POU5F2: variants seen among roughly 807,000 people sequenced by gnomAD.
POU5F2 encodes the protein POU domain, class 5, transcription factor 2.
For synonymous variants in POU5F2, 191 were observed against 178.7 expected, an observed-to-expected ratio of 1.07 and a Z score of -0.55; for missense variants, 401 against 426.6, an observed-to-expected ratio of 0.94 and a Z score of 0.53.
At position 93,741,492 on chromosome 5, in the gene POU5F2, C is replaced by T. The variant is rs1477132565; in HGVS notation, c.72G>A (p.Pro24=). Residue 24 remains proline (P), a synonymous_variant, in exon 1 of 1, where the codon CCG becomes CCA. Transcript: ENST00000606183. ...PGSGGGGPRG[P]MPLRVDTLTW... is the part of the protein sequence containing the mutation. ...TCAGAGTGTCAACCCGCAGGGGCAT[C>T]GGCCCTCTGGGGCCGCCCCCACCAC... 1 of 1,612,736 alleles carries T rather than the reference C, an allele frequency of 6.2e-7. No homozygotes were observed. The highest frequency in any genetic ancestry group is 1.1e-5 in the South Asian group (1 of 90,980).
In POU5F2 at chr5:93,737,829, A is replaced by C. The variant is rs1747536051; in HGVS notation, c.*2748T>G. The C allele has an allele frequency of 2.4e-6, 1 of 411,424 alleles. No homozygotes were observed. The highest frequency in any genetic ancestry group is 4.7e-6 in the Non-Finnish European group (1 of 211,772). The allele number at this position is 411,424 out of a possible 1,614,324, so 25.5% of individuals were successfully genotyped here. A position where few individuals can be genotyped will look rare whatever the true frequency, so the allele number is the denominator to read the frequency against. Reference sequence around the variant, plus strand: ...GCACTTACCTCATACCGTATACAAAAATTAACTTGAAATGGATCAAAGTCC... The same window carrying C: ...GCACTTACCTCATACCGTATACAAACATTAACTTGAAATGGATCAAAGTCC... On this transcript the variant is annotated 3_prime_UTR_variant, in exon 1 of 1. Transcript: ENST00000606183.
In POU5F2 at chr5:93,741,059, C is replaced by G; in HGVS notation, c.505G>C (p.Ala169Pro). The G allele has an allele frequency of 1.2e-6, 2 of 1,613,964 alleles. No individual in the cohort carries two copies. Among genetic ancestry groups the G allele is most frequent in the Non-Finnish European group, 1.7e-6 (2 of 1,179,980 alleles). The change falls in exon 1 of 1, where the codon GCC becomes CCC. Residue 169 changes from alanine to proline, a missense_variant. Transcript: ENST00000606183. ...ATGTTGGCGACGCTTAGCTGCTGGGCCTCGAAGCGGCAGATGGTCGTCTGG... is the reference window on the plus strand; with the variant it reads ...ATGTTGGCGACGCTTAGCTGCTGGGGCTCGAAGCGGCAGATGGTCGTCTGG... Reference protein sequence around the residue: ...LSQTTICRFEAQQLSVANMWK... With the variant: ...LSQTTICRFEPQQLSVANMWK...
In POU5F2 at chr5:93,740,663, C is replaced by G. The variant is rs903509755; in HGVS notation, c.901G>C (p.Asp301His). The change falls in exon 1 of 1, where the codon GAT becomes CAT. Residue 301 changes from aspartate (D) to histidine (H), a missense_variant. Physicochemically the swap from Asp to His is moderately conservative, Grantham distance 81 (BLOSUM62 -1). Transcript: ENST00000606183. ...CFHLGLGLPV[D>H]IPHYTRLYSA... Reference sequence around the variant, plus strand: ...TAGAGACGTGTATAGTGGGGGATATCCACTGGGAGCCCCAGTCCCAGGTGA... The same window carrying G: ...TAGAGACGTGTATAGTGGGGGATATGCACTGGGAGCCCCAGTCCCAGGTGA... 1 of 1,613,790 alleles carries G rather than the reference C, an allele frequency of 6.2e-7. No homozygotes were observed. Among genetic ancestry groups the G allele is most frequent in the African/African-American group, 1.3e-5 (1 of 74,904 alleles).
Position 93,734,823 on chromosome 5 carries a change from T to C in POU5F2, c.*5754A>G. On this transcript the variant is annotated 3_prime_UTR_variant, in exon 1 of 1. Transcript: ENST00000606183. The stretch of plus-strand genomic sequence containing the variant: ...TAGATTTCTTTTTCTTTTGCTTTTT[T>C]TTTTTGAGACAGAGTCTCACTTTGT... 6.6e-6 allele frequency: 1 copy of C among 152,258 alleles called. No homozygotes were observed. Among genetic ancestry groups the C allele is most frequent in the Non-Finnish European group, 1.5e-5 (1 of 68,026 alleles). 9.4% of individuals were successfully genotyped at this position (152,258 alleles called of 1,614,324 possible).
chr5:93,736,524 T>G lies in POU5F2; in HGVS notation c.*4053A>C, dbSNP rs1747247295. Reference sequence around the variant, plus strand: ...TCATCACCCCGGGTGAGTCATTTACTCTTACACAAAGATGTCATGAGAATG... The same window carrying G: ...TCATCACCCCGGGTGAGTCATTTACGCTTACACAAAGATGTCATGAGAATG... On this transcript the variant is annotated 3_prime_UTR_variant, in exon 1 of 1. Coordinates refer to ENST00000606183, the MANE Select transcript of POU5F2 (RefSeq NM_153216.2). 1 of 152,116 alleles carries G rather than the reference T, an allele frequency of 6.6e-6. No homozygotes were observed. The highest frequency in any genetic ancestry group is 2.4e-5 in the African/African-American group (1 of 41,422). 9.4% of individuals were successfully genotyped at this position (152,116 alleles called of 1,614,324 possible).
chr5:93,741,122 C>T lies in POU5F2; in HGVS notation c.442G>A (p.Gly148Arg), dbSNP rs1256782313. The T allele has an allele frequency of 6.2e-7, 1 of 1,613,806 alleles. No individual in the cohort carries two copies. The change falls in exon 1 of 1, where the codon GGG (glycine) becomes AGG (arginine). Residue 148 changes from glycine to arginine, a missense_variant. Transcript: ENST00000606183. ...CCAAACAGAGCTCCCACAGCGATCC[C>T]CACATCGGCCTGCGAGTACCCTAGG... is the stretch of plus-strand genomic sequence containing the variant. ...LSLGYSQADV[G>R]IAVGALFGKV...
rs920929043 is a variant in POU5F2 at position 93,735,204 on chromosome 5, T to G, written c.*5373A>C. On this transcript the variant is annotated 3_prime_UTR_variant, in exon 1 of 1. Transcript: ENST00000606183. ...ATCTTCTGATTAAAGTTTCTACATATCATCTTAAATCTCTGAAAAATCTGA... is the reference window on the plus strand; with the variant it reads ...ATCTTCTGATTAAAGTTTCTACATAGCATCTTAAATCTCTGAAAAATCTGA... 6.6e-6 allele frequency: 1 copy of G among 152,246 alleles called. No individual in the cohort carries two copies. The highest frequency in any genetic ancestry group is 1.5e-5 in the Non-Finnish European group (1 of 68,042). The allele number at this position is 152,246 out of a possible 1,614,324, so 9.4% of individuals were successfully genotyped here. A position where few individuals can be genotyped will look rare whatever the true frequency, so the allele number is the denominator to read the frequency against.
Position 93,738,789 on chromosome 5 carries a change from T to C in POU5F2, c.*1788A>G, listed in dbSNP as rs760720631. The C allele has an allele frequency of 2.0e-5, 3 of 152,168 alleles. No individual in the cohort carries two copies. Among genetic ancestry groups the C allele is most frequent in the African/African-American group, 4.8e-5 (2 of 41,418 alleles). The allele number at this position is 152,168 out of a possible 1,614,324, so 9.4% of individuals were successfully genotyped here. On this transcript the variant is annotated 3_prime_UTR_variant, in exon 1 of 1. Transcript: ENST00000606183. ...CAGAAAGGTTACCAGGGGTAGGGGATAGGGGAATGGAGTTATTGCTTAATG... is the reference window on the plus strand; with the variant it reads ...CAGAAAGGTTACCAGGGGTAGGGGACAGGGGAATGGAGTTATTGCTTAATG...
In POU5F2 at chr5:93,740,909, G is replaced by C; in HGVS notation, c.655C>G (p.Arg219Gly). Residue 219 changes from arginine (R) to glycine (G), a missense_variant, in exon 1 of 1, where the codon CGA (arginine) becomes GGA (glycine). Physicochemically the swap from Arg to Gly is moderately radical, Grantham distance 125. Coordinates refer to ENST00000606183, the MANE Select transcript of POU5F2 (RefSeq NM_153216.2). ...SGKWRRASRE[R>G]RIGNSLEKFF... ...TTCTCCAGGCTGTTTCCGATTCGTCGCTCTCTGCTTGCCCGTCTCCACTTC... is the reference window on the plus strand; with the variant it reads ...TTCTCCAGGCTGTTTCCGATTCGTCCCTCTCTGCTTGCCCGTCTCCACTTC... 1.2e-6 allele frequency: 2 copies of C among 1,613,940 alleles called. No individual in the cohort carries two copies. Among genetic ancestry groups the C allele is most frequent in the Non-Finnish European group, 1.7e-6 (2 of 1,179,872 alleles).
Position 93,740,906 on chromosome 5 carries a change from G to C in POU5F2, c.658C>G (p.Arg220Gly), listed in dbSNP as rs761032270. Residue 220 changes from arginine to glycine, a missense_variant, in exon 1 of 1, where the codon CGA becomes GGA. Transcript: ENST00000606183. ...AATTTCTCCAGGCTGTTTCCGATTC[G>C]TCGCTCTCTGCTTGCCCGTCTCCAC... Reference protein sequence around the residue: ...GKWRRASRERRIGNSLEKFFQ... With the variant: ...GKWRRASRERGIGNSLEKFFQ... The C allele has an allele frequency of 6.2e-6, 10 of 1,613,840 alleles. No individual in the cohort carries two copies. Among genetic ancestry groups the C allele is most frequent in the Non-Finnish European group, 8.5e-6 (10 of 1,179,880 alleles).
rs776449466 is a variant in POU5F2 at position 93,740,781 on chromosome 5, G to A, written c.783C>T (p.Arg261=). ...TGGTTGGTCGACTGCCCATCTTGCT[G>A]CGGTTATAGAACCAAACTCGAACCA... ...KDVVRVWFYN[R]SKMGSRPTND... Residue 261 remains arginine, a synonymous_variant, in exon 1 of 1, where the codon CGC becomes CGT. Coordinates refer to ENST00000606183, the MANE Select transcript of POU5F2 (RefSeq NM_153216.2). The A allele has an allele frequency of 4.3e-6, 7 of 1,612,500 alleles. No individual in the cohort carries two copies. The South Asian group carries it at 4.4e-5, about 10-fold the overall frequency.
In POU5F2 at chr5:93,740,932, T is replaced by G; in HGVS notation, c.632A>C (p.Lys211Thr). Reference protein sequence around the residue: ...KMEMILQQSGKWRRASRERRI... With the variant: ...KMEMILQQSGTWRRASRERRI... ...TCGCTCTCTGCTTGCCCGTCTCCAC[T>G]TCCCAGACTGTTGCAGGATCATCTC... Residue 211 changes from lysine (K) to threonine (T), a missense_variant, in exon 1 of 1, where the codon AAG (lysine) becomes ACG (threonine). Physicochemically the swap from Lys to Thr is moderately conservative, Grantham distance 78. Coordinates refer to ENST00000606183, the MANE Select transcript of POU5F2 (RefSeq NM_153216.2). 1 of 1,613,976 alleles carries G rather than the reference T, an allele frequency of 6.2e-7. No homozygotes were observed. The highest frequency in any genetic ancestry group is 8.5e-7 in the Non-Finnish European group (1 of 1,179,874).
Position 93,741,496 on chromosome 5 carries a change from C to T in POU5F2, c.68G>A (p.Gly23Glu), listed in dbSNP as rs752135459. The T allele has an allele frequency of 6.2e-7, 1 of 1,612,134 alleles. No homozygotes were observed. The highest frequency in any genetic ancestry group is 8.5e-7 in the Non-Finnish European group (1 of 1,179,186). The change falls in exon 1 of 1, where the codon GGG becomes GAG. Residue 23 changes from glycine to glutamate, a missense_variant. By Grantham distance (98) the Gly-to-Glu change is moderately conservative. Coordinates refer to ENST00000606183, the MANE Select transcript of POU5F2 (RefSeq NM_153216.2). ...LPGSGGGGPR[G>E]PMPLRVDTLT... ...AGTGTCAACCCGCAGGGGCATCGGC[C>T]CTCTGGGGCCGCCCCCACCACTGCC...
Position 93,741,252 on chromosome 5 carries a change from G to A in POU5F2, c.312C>T (p.Tyr104=), listed in dbSNP as rs772689274. The change falls in exon 1 of 1, where the codon TAC becomes TAT. Residue 104 remains tyrosine, a synonymous_variant. Transcript: ENST00000606183. ...ACTTCGGAATGCTCCGCAGGGCAAT[G>A]TAGGGCCCCGGGAGGGCGCCTTCGG... ...RPSEGALPGP[Y]IALRSIPKLP... is the part of the protein sequence containing the mutation. 6.2e-7 allele frequency: 1 copy of A among 1,613,918 alleles called. No homozygotes were observed. The highest frequency in any genetic ancestry group is 8.5e-7 in the Non-Finnish European group (1 of 1,179,882).
At position 93,733,233 on chromosome 5, in the gene POU5F2, G is replaced by C. The variant is rs942723818; in HGVS notation, c.*7344C>G. On this transcript the variant is annotated 3_prime_UTR_variant, in exon 1 of 1. Transcript: ENST00000606183. ...TTTTTTTTTTTTGAGACGGAGTCTT[G>C]CTCCATTGCCAGACTGGAGTCCAGG... 2 of 133,588 alleles carry C rather than the reference G, an allele frequency of 1.5e-5. No individual in the cohort carries two copies. The highest frequency in any genetic ancestry group is 5.7e-5 in the African/African-American group (2 of 34,804). The allele number at this position is 133,588 out of a possible 1,614,324, so 8.3% of individuals were successfully genotyped here.
Position 93,733,649 on chromosome 5 carries a change from G to A in POU5F2, c.*6928C>T, listed in dbSNP as rs1056517485. 2.0e-5 allele frequency: 3 copies of A among 151,994 alleles called. No individual in the cohort carries two copies. Among genetic ancestry groups the A allele is most frequent in the African/African-American group, 7.3e-5 (3 of 41,364 alleles). 9.4% of individuals were successfully genotyped at this position (151,994 alleles called of 1,614,324 possible). A position where few individuals can be genotyped will look rare whatever the true frequency, so the allele number is the denominator to read the frequency against. On this transcript the variant is annotated 3_prime_UTR_variant, in exon 1 of 1. Transcript: ENST00000606183. ...TTCCAATAAATAAATATTTGTTTAC[G>A]TTATTTTGCCCATAACCACCACCAC... is the stretch of plus-strand genomic sequence containing the variant.
chr5:93,735,510 C>T lies in POU5F2; in HGVS notation c.*5067G>A, dbSNP rs1199930203. 6.6e-6 allele frequency: 1 copy of T among 152,140 alleles called. No individual in the cohort carries two copies. Among genetic ancestry groups the T allele is most frequent in the African/African-American group, 2.4e-5 (1 of 41,414 alleles). 9.4% of individuals were successfully genotyped at this position (152,140 alleles called of 1,614,324 possible). ...GAAGGAGCAGCTGAGGTCAGTGCCT[C>T]TTTACAGCTCTTATGTTCACAACAC... On this transcript the variant is annotated 3_prime_UTR_variant, in exon 1 of 1. Transcript: ENST00000606183.
In POU5F2 at chr5:93,735,827, T is replaced by G. The variant is rs1004537035; in HGVS notation, c.*4750A>C. On this transcript the variant is annotated 3_prime_UTR_variant, in exon 1 of 1. Coordinates refer to ENST00000606183, the MANE Select transcript of POU5F2 (RefSeq NM_153216.2). ...TTAAGCTGGGTCCCTGTAGCTTGTG[T>G]GGAGGAAATGGTCTCACTGTGATGT... 1 of 152,046 alleles carries G rather than the reference T, an allele frequency of 6.6e-6. No individual in the cohort carries two copies. Among genetic ancestry groups the G allele is most frequent in the Non-Finnish European group, 1.5e-5 (1 of 68,028 alleles). The allele number at this position is 152,046 out of a possible 1,614,324, so 9.4% of individuals were successfully genotyped here. A position where few individuals can be genotyped will look rare whatever the true frequency, so the allele number is the denominator to read the frequency against.
In POU5F2 at chr5:93,740,817, C is replaced by T; in HGVS notation, c.747G>A (p.Leu249=). 1 of 1,613,648 alleles carries T rather than the reference C, an allele frequency of 6.2e-7. No individual in the cohort carries two copies. The highest frequency in any genetic ancestry group is 8.5e-7 in the Non-Finnish European group (1 of 1,179,674). Reference sequence around the variant, plus strand: ...ACCAAACTCGAACCACATCCTTCTGCAGCTGGAGGCACCCAGCAATGTGGC... The same window carrying T: ...ACCAAACTCGAACCACATCCTTCTGTAGCTGGAGGCACCCAGCAATGTGGC... ...QISHIAGCLQ[L]QKDVVRVWFY... Residue 249 remains leucine (L), a synonymous_variant, in exon 1 of 1, where the codon CTG becomes CTA. Coordinates refer to ENST00000606183, the MANE Select transcript of POU5F2 (RefSeq NM_153216.2).
Sources: gnomAD v4.1 joint callset for allele counts on GRCh38, gnomAD v4.1.1 for gene constraint, MANE v1.5 for transcripts, NCBI Gene and HGNC (gene_info 2026-07-23, HGNC 2026-07-21) for gene names.